Variants in SHROOM3 observed in about 807,000 individuals in gnomAD.
SHROOM3 encodes protein Shroom3.
SHROOM3 carries 47 observed loss-of-function variants against 138.6 expected under a neutral mutation model. That is an observed-to-expected ratio of 0.34 (90% CI 0.27 to 0.43). The LOEUF (loss-of-function observed/expected upper bound fraction) is 0.43. SHROOM3 is among the 20% of genes least tolerant of loss of function. The probability of loss-of-function intolerance (pLI) is 1.00; values close to 1 mark genes in which losing one functional copy is unlikely to be tolerated. For synonymous variants in SHROOM3, 1,062 were observed against 1,063.3 expected, an observed-to-expected ratio of 1.00 and a Z score of 0.02; for missense variants, 2,491 against 2,596.5, an observed-to-expected ratio of 0.96 and a Z score of 0.88.
intron 3 of SHROOM3, among the ~76,000 whole-genome samples, chr4:76,729,330 C>T (rs1720805648): frequency 6.6e-6 from 1 of 152,040 alleles, no homozygotes; most frequent in South Asian, 2.1e-4. Flanking sequence ...GAATTTTTCT[C>T]ACTTTTCCTG....
At chr4:76,587,046 G>A (rs916065019) in intron 2 of SHROOM3, 4 of 152,188 alleles carry the variant, frequency 2.6e-5, no homozygotes, top group African/African-American at 9.7e-5. Flanking sequence ...ATGTTTCAGA[G>A]AAGGTCGGAT....
In SHROOM3 at chr4:76,741,515, G is replaced by A. The variant is rs989879279; in HGVS notation, c.3342G>A (p.Glu1114=). The stretch of plus-strand genomic sequence containing the variant: ...TCCAGGAGCCCGGGCCACTGCGTGA[G>A]CGCGCCCAGAGTGCCTACCTCCAGC... The part of the protein sequence containing the change: ...CSLQEPGPLR[E]RAQSAYLQPG... The change falls in exon 5 of 11, where the codon GAG becomes GAA. Residue 1114 remains glutamate (E), a synonymous_variant. Transcript: ENST00000296043. This position sits in a 1 kb window ranked among gnomAD's most constrained non-coding sequence, Gnocchi z 6.2. 2 of 1,553,788 alleles carry A rather than the reference G, an allele frequency of 1.3e-6. No homozygotes were observed. The highest frequency in any genetic ancestry group is 1.7e-6 in the Non-Finnish European group (2 of 1,155,640).
intron 2 of SHROOM3, among the ~76,000 whole-genome samples, chr4:76,653,496 CAT>C (rs1278151600): frequency 6.6e-6 from 1 of 151,628 alleles, no homozygotes; most frequent in Non-Finnish European, 1.5e-5. Context: ...TATGGTATGA[CAT>C]GTGGTATATG....
chr4:76,446,661 C>T (rs1197581575), intron 1 of SHROOM3, among the ~76,000 whole-genome samples: 2 of 152,214 alleles, frequency 1.3e-5, no homozygotes, highest in African/African-American at 4.8e-5. Flanking sequence ...GGGACTGAAA[C>T]CAGTTAAAAG....
In SHROOM3 at chr4:76,733,151, C is replaced by A. The variant is rs146440222; in HGVS notation, c.587+2216C>A. On this transcript the variant is annotated intron_variant, in intron 4 of 10. Transcript: ENST00000296043. ...ACTGTGACTTAAAAAATGTGCTGGC[C>A]CTTCAGCAGAGATAAGCACTGCAAT... Among the ~76,000 whole-genome samples the A allele has an allele frequency of 3.6e-3, 553 of 152,220 alleles. 19 individuals carry two copies. Among genetic ancestry groups the A allele is most frequent in the Admixed American group, 0.033 (510 of 15,286 alleles).
intron 2 of SHROOM3, among the ~76,000 whole-genome samples, chr4:76,652,816 T>C (rs556019749): frequency 6.6e-6 from 1 of 152,054 alleles, no homozygotes; most frequent in Admixed American, 6.6e-5. Flanking sequence ...TGTATATATA[T>C]ACATATACAC....
intron 1 of SHROOM3, among the ~76,000 whole-genome samples, chr4:76,489,645 G>T (rs1731807822): frequency 1.3e-5 from 2 of 152,146 alleles, no homozygotes; most frequent in Admixed American, 6.5e-5. Flanking sequence ...AGGTTTTCCT[G>T]ATGACAAAAT....
At chr4:76,485,320 G>A (rs1353671782) in intron 1 of SHROOM3, among the ~76,000 whole-genome samples, 1 of 152,140 alleles carries the variant, frequency 6.6e-6, no homozygotes, top group Non-Finnish European at 1.5e-5. Context: ...TCCTAATTGA[G>A]GTTCTCTCCC....
intron 8 of SHROOM3, chr4:76,758,073 G>T (rs1326402278): frequency 6.6e-6 from 1 of 152,182 alleles, no homozygotes; most frequent in Non-Finnish European, 1.5e-5. Flanking sequence ...ATTGTCAGAG[G>T]CTCTTCTGAT....
chr4:76,750,849 A>G (rs1469420046), intron 6 of SHROOM3, among the ~76,000 whole-genome samples: 1 of 152,084 alleles, frequency 6.6e-6, no homozygotes, highest in Non-Finnish European at 1.5e-5. Context: ...TAAAAATGCC[A>G]AAAGAATAAA....
intron 1 of SHROOM3, among the ~76,000 whole-genome samples, chr4:76,501,617 G>A (rs2109999616): frequency 6.6e-6 from 1 of 152,182 alleles, no homozygotes; most frequent in East Asian, 1.9e-4. Flanking sequence ...ATAAGCTGGG[G>A]TCTTTCAGCC....
chr4:76,741,085 C>T lies in SHROOM3; in HGVS notation c.2912C>T (p.Pro971Leu). Reference protein sequence around the residue: ...PSSAHVGLRSPEASASASPHT... With the variant: ...PSSAHVGLRSLEASASASPHT... Reference sequence around the variant, plus strand: ...TCGGCCCACGTGGGGCTGCGGAGCCCCGAGGCGTCGGCCTCCGCCTCCCCG... The same window carrying T: ...TCGGCCCACGTGGGGCTGCGGAGCCTCGAGGCGTCGGCCTCCGCCTCCCCG... Residue 971 changes from proline (P) to leucine (L), a missense_variant, in exon 5 of 11, where the codon CCC (proline) becomes CTC (leucine). Pro to Leu is a moderately conservative substitution (Grantham distance 98). This residue lies in a region of SHROOM3 where 1,733 missense variants were observed against 1,661.6 expected (regional missense o/e 1.04). Transcript: ENST00000296043. The surrounding 1 kb of genome is among the most constrained non-coding windows in gnomAD (Gnocchi z 6.2). The T allele has an allele frequency of 6.5e-7, 1 of 1,541,636 alleles. No homozygotes were observed. Among genetic ancestry groups the T allele is most frequent in the African/African-American group, 1.4e-5 (1 of 72,732 alleles).
chr4:76,522,939 T>C (rs1732596887), intron 1 of SHROOM3, among the ~76,000 whole-genome samples: 1 of 152,248 alleles, frequency 6.6e-6, no homozygotes, highest in Admixed American at 6.5e-5. Flanking sequence ...GTGTCTATTA[T>C]ATCTCACTAC....
intron 2 of SHROOM3, among the ~76,000 whole-genome samples, chr4:76,559,943 C>T (rs1294605686): frequency 6.6e-6 from 1 of 151,984 alleles, no homozygotes; most frequent in East Asian, 1.9e-4. Flanking sequence ...GCTTGATACA[C>T]GAAGAGTGAA....
chr4:76,667,169 A>C (rs1448479393), intron 2 of SHROOM3, among the ~76,000 whole-genome samples: 1 of 152,190 alleles, frequency 6.6e-6, no homozygotes, highest in Non-Finnish European at 1.5e-5. Flanking sequence ...TACAAGAGTA[A>C]AAGAGTTCTG....
intron 1 of SHROOM3, among the ~76,000 whole-genome samples, chr4:76,439,543 G>A (rs1022199282): frequency 6.6e-5 from 10 of 152,026 alleles, no homozygotes; most frequent in Non-Finnish European, 1.5e-4. Flanking sequence ...GAAATGTGGT[G>A]GCTGATCATG....
At chr4:76,451,687 T>G (rs1427964267) in intron 1 of SHROOM3, among the ~76,000 whole-genome samples, 1 of 152,228 alleles carries the variant, frequency 6.6e-6, no homozygotes, top group Non-Finnish European at 1.5e-5. Flanking sequence ...TTACTGCACG[T>G]AAGTCATGCC....
chr4:76,581,557 T>C (rs1021875776), intron 2 of SHROOM3, among the ~76,000 whole-genome samples: 2 of 152,318 alleles, frequency 1.3e-5, no homozygotes, highest in East Asian at 1.9e-4. Context: ...TTGTTAAAGT[T>C]ACGGTGTCAT....
chr4:76,643,099 C>T (rs1161856211), intron 2 of SHROOM3, among the ~76,000 whole-genome samples: 6 of 150,476 alleles, frequency 4.0e-5, no homozygotes, highest in Admixed American at 2.7e-4. Flanking sequence ...CCCAGCTACT[C>T]GGGATTACAG....
Sources: allele counts gnomAD v4.1 joint callset (sites outside exome capture counted in the v4.1 genomes callset), GRCh38; gene constraint gnomAD v4.1.1; regional missense constraint gnomAD v4.1.1; non-coding constraint Gnocchi (gnomAD v3.1); transcripts MANE v1.5; gene names NCBI Gene and HGNC (gene_info 2026-07-23, HGNC 2026-07-21).